The following C12orf54 variants were observed in gnomAD, a reference collection of about 807,000 sequenced individuals.
C12orf54 encodes the protein chromosome 12 open reading frame 54, also known as uncharacterized protein C12orf54.
Under a neutral mutation model 26.4 loss-of-function variants are expected in C12orf54, and 24 were observed. The observed-to-expected ratio is 0.91, with a 90% CI of 0.66 to 1.28. The LOEUF is 1.28. Among genes scored for constraint, C12orf54 ranks in the 50% most tolerant of loss-of-function variants. The pLI is 0.00. For synonymous variants in C12orf54, 54 were observed against 47.0 expected, an observed-to-expected ratio of 1.15 and a Z score of -0.61; for missense variants, 154 against 150.9, an observed-to-expected ratio of 1.02 and a Z score of -0.11.
the C12orf54 span, among the ~76,000 whole-genome samples, chr12:48,429,119 C>T: frequency 8.7e-3 from 1,322 of 152,080 alleles, 14 homozygotes; most frequent in Non-Finnish European, 0.012. Context: ...ATCCAGCACC[C>T]CTTTATGATT....
At chr12:48,420,481 C>G in the C12orf54 span, among the ~76,000 whole-genome samples, 1 of 152,168 alleles carries the variant, frequency 6.6e-6, no homozygotes, top group Non-Finnish European at 1.5e-5. Context: ...TGTAAATATT[C>G]TCCAATCCTC....
At chr12:48,439,723 A>G in the C12orf54 span, among the ~76,000 whole-genome samples, 2 of 152,096 alleles carry the variant, frequency 1.3e-5, no homozygotes, top group African/African-American at 4.8e-5. Context: ...CAGGAAGGGG[A>G]ACATCACACA....
the C12orf54 span, among the ~76,000 whole-genome samples, chr12:48,476,691 G>A: frequency 1.3e-5 from 2 of 152,186 alleles, no homozygotes; most frequent in African/African-American, 2.4e-5. Flanking sequence ...AACAAGAAGA[G>A]CTAACTATCC....
the C12orf54 span, among the ~76,000 whole-genome samples, chr12:48,413,315 T>C: frequency 6.6e-6 from 1 of 152,224 alleles, no homozygotes; most frequent in Non-Finnish European, 1.5e-5. Context: ...ACTTGGTTGC[T>C]CAGTTGAAGA....
upstream of C12orf54, among the ~76,000 whole-genome samples, chr12:48,478,342 T>C (rs1369369029): frequency 6.6e-6 from 1 of 152,104 alleles, no homozygotes; most frequent in Non-Finnish European, 1.5e-5. Context: ...AGGCACAAGA[T>C]AGGGATGCCC....
chr12:48,482,499 T>C lies in C12orf54; in HGVS notation c.-135T>C, dbSNP rs1954208407. On this transcript the variant is annotated 5_prime_UTR_variant, in exon 1 of 9. Transcript: ENST00000548364. Reference sequence around the variant, plus strand: ...AGGTTGATATGGGAACAGGAGGCTGTTGTGAGATGGGGCTCAAATAGGAAA... The same window carrying C: ...AGGTTGATATGGGAACAGGAGGCTGCTGTGAGATGGGGCTCAAATAGGAAA... 6.6e-6 allele frequency: 1 copy of C among 152,130 alleles called. No individual in the cohort carries two copies. The highest frequency in any genetic ancestry group is 1.5e-5 in the Non-Finnish European group (1 of 68,072). 9.4% of individuals were successfully genotyped at this position (152,130 alleles called of 1,614,324 possible). A position where few individuals can be genotyped will look rare whatever the true frequency, so the allele number is the denominator to read the frequency against.
chr12:48,413,564 G>C, the C12orf54 span, among the ~76,000 whole-genome samples: 1 of 152,140 alleles, frequency 6.6e-6, no homozygotes, highest in African/African-American at 2.4e-5. Flanking sequence ...CTGCGCTCCC[G>C]TGGAGTGGGA....
chr12:48,475,348 C>G, the C12orf54 span, among the ~76,000 whole-genome samples: 2 of 152,168 alleles, frequency 1.3e-5, no homozygotes, highest in African/African-American at 4.8e-5. Flanking sequence ...CTCTCCTCCT[C>G]CAAAGGAATG....
At chr12:48,495,485 C>G (rs904713875) in intron 8 of C12orf54, 1 of 152,720 alleles carries the variant, frequency 6.5e-6, no homozygotes, top group African/African-American at 2.4e-5. Flanking sequence ...CTTGAGTATG[C>G]TTCCCCAAAG....
intron 5 of C12orf54, among the ~76,000 whole-genome samples, chr12:48,489,450 A>G (rs1460220352): frequency 6.7e-6 from 1 of 149,116 alleles, no homozygotes; most frequent in Non-Finnish European, 1.5e-5. Flanking sequence ...TCTTTGAGAC[A>G]GGGTCTCACT....
the C12orf54 span, among the ~76,000 whole-genome samples, chr12:48,453,857 C>G: frequency 1.3e-5 from 2 of 151,716 alleles, no homozygotes; most frequent in African/African-American, 4.8e-5. Flanking sequence ...TCGTTCACAG[C>G]TCATTTATTC....
chr12:48,414,509 C>T, the C12orf54 span, among the ~76,000 whole-genome samples: 4 of 152,334 alleles, frequency 2.6e-5, no homozygotes, highest in African/African-American at 7.2e-5. Context: ...TGCTAAGAGG[C>T]TTGGGCTATC....
the C12orf54 span, among the ~76,000 whole-genome samples, chr12:48,475,300 A>AAG: frequency 0.15 from 22,406 of 152,064 alleles, 2,859 homozygotes; most frequent in East Asian, 0.66. Flanking sequence ...ATGGGAAAAA[A>AAG]AGAGAAGAAA....
the C12orf54 span, among the ~76,000 whole-genome samples, chr12:48,455,849 C>T: frequency 3.0e-3 from 457 of 152,252 alleles, no homozygotes; most frequent in Non-Finnish European, 4.5e-3. Context: ...TAAGTTTCTT[C>T]GCCTTCTATT....
chr12:48,441,498 C>G, the C12orf54 span, among the ~76,000 whole-genome samples: 1 of 152,004 alleles, frequency 6.6e-6, no homozygotes, highest in African/African-American at 2.4e-5. Context: ...AATGATCTGA[C>G]ATTGACCATG....
chr12:48,460,411 T>C, the C12orf54 span, among the ~76,000 whole-genome samples: 1 of 150,314 alleles, frequency 6.7e-6, no homozygotes, highest in Admixed American at 6.6e-5. Flanking sequence ...ATTCATTACC[T>C]GGAGATCAAC....
intron 1 of C12orf54, among the ~76,000 whole-genome samples, chr12:48,482,922 A>G (rs1954213740): frequency 6.7e-6 from 1 of 148,350 alleles, no homozygotes; most frequent in South Asian, 2.1e-4. Context: ...CTTATTTTTC[A>G]CTTAGATTCT....
chr12:48,481,746 A>C (rs1280692532), upstream of C12orf54, among the ~76,000 whole-genome samples: 1 of 152,118 alleles, frequency 6.6e-6, no homozygotes, highest in African/African-American at 2.4e-5. Context: ...TGGGCAGGCT[A>C]TGGGACCTGA....
chr12:48,438,506 AC>A, the C12orf54 span, among the ~76,000 whole-genome samples: 2 of 152,256 alleles, frequency 1.3e-5, no homozygotes, highest in African/African-American at 2.4e-5. Flanking sequence ...TTCAAACTAT[AC>A]TACAAGGCTA....
Sources: gnomAD v4.1 joint callset for allele counts (sites outside exome capture counted in the v4.1 genomes callset) on GRCh38, gnomAD v4.1.1 for gene constraint, MANE v1.5 for transcripts, NCBI Gene and HGNC (gene_info 2026-07-23, HGNC 2026-07-21) for gene names.